Variants in MBNL2 observed in about 807,000 individuals in gnomAD.
MBNL2 encodes muscleblind-like protein 2.
A neutral mutation model predicts 41.9 loss-of-function variants in MBNL2; 17 were observed. That is an observed-to-expected ratio of 0.41 (90% CI 0.28 to 0.61). The LOEUF (loss-of-function observed/expected upper bound fraction) is 0.61. Among genes scored for constraint, MBNL2 ranks in the 20% least tolerant of loss-of-function variants. The pLI is 0.35. For missense variants in MBNL2, 336 were observed against 505.6 expected, an observed-to-expected ratio of 0.66 and a Z score of 3.22; for synonymous variants, 195 against 182.9, an observed-to-expected ratio of 1.07 and a Z score of -0.53.
At chr13:97,218,906 G>A (rs560933562), upstream of MBNL2, among the ~76,000 whole-genome samples, 7 of 151,466 alleles carry the variant, frequency 4.6e-5, no homozygotes, top group Non-Finnish European at 2.9e-5. Flanking sequence ...TTAGATGTTA[G>A]AGAGTCAATT....
chr13:97,206,995 T>C, the MBNL2 span, among the ~76,000 whole-genome samples: 2 of 152,194 alleles, frequency 1.3e-5, no homozygotes, highest in Non-Finnish European at 2.9e-5. Context: ...TTGTCTTCCT[T>C]GAATGCCTGT....
chr13:97,317,574 C>CT (rs1412017428), intron 2 of MBNL2, among the ~76,000 whole-genome samples: 2 of 152,128 alleles, frequency 1.3e-5, no homozygotes, highest in East Asian at 3.9e-4. Flanking sequence ...ATGCATAATC[C>CT]TTTTGGCTGT....
chr13:97,154,304 GGTTTTTTGTTTTTT>G, the MBNL2 span, among the ~76,000 whole-genome samples: 3 of 151,906 alleles, frequency 2.0e-5, no homozygotes, highest in African/African-American at 7.2e-5. Flanking sequence ...TTTACCCGTT[GGTTTTTTGTTTTTT>G]GTTTTTTGTT....
chr13:97,212,627 C>T, the MBNL2 span, among the ~76,000 whole-genome samples: 1 of 152,142 alleles, frequency 6.6e-6, no homozygotes, highest in Admixed American at 6.5e-5. Context: ...GCTGTGCGAC[C>T]CTGGAAAGGT....
At chr13:97,161,091 T>A in the MBNL2 span, among the ~76,000 whole-genome samples, 1 of 152,176 alleles carries the variant, frequency 6.6e-6, no homozygotes, top group Non-Finnish European at 1.5e-5. Flanking sequence ...CTGAAGCCCT[T>A]TATCTTCTTT....
chr13:97,162,179 A>G, the MBNL2 span, among the ~76,000 whole-genome samples: 1 of 152,148 alleles, frequency 6.6e-6, no homozygotes, highest in South Asian at 2.1e-4. Context: ...CAAGGGAGAA[A>G]TGCGCCCCTA....
upstream of MBNL2, among the ~76,000 whole-genome samples, chr13:97,217,611 T>C (rs1176435916): frequency 6.6e-6 from 1 of 152,068 alleles, no homozygotes; most frequent in Non-Finnish European, 1.5e-5. Context: ...ATGACACACC[T>C]GAGGGACTAA....
the MBNL2 span, among the ~76,000 whole-genome samples, chr13:97,160,685 T>C: frequency 1.3e-5 from 2 of 152,302 alleles, no homozygotes; most frequent in East Asian, 1.9e-4. Flanking sequence ...TTATTGGCAT[T>C]GGCTTTTCAT....
chr13:97,297,886 A>T (rs578179370), intron 2 of MBNL2, among the ~76,000 whole-genome samples: 1 of 152,330 alleles, frequency 6.6e-6, no homozygotes, highest in South Asian at 2.1e-4. Context: ...ACAAAATGCT[A>T]AACTATAGCT....
At chr13:97,370,186 C>G (rs2064228752) in intron 8 of MBNL2, among the ~76,000 whole-genome samples, 2 of 152,056 alleles carry the variant, frequency 1.3e-5, no homozygotes, top group African/African-American at 4.8e-5. Flanking sequence ...AAGTTAGCTA[C>G]CTCAGCCAAA....
At chr13:97,280,619 T>A (rs1035659879) in intron 2 of MBNL2, among the ~76,000 whole-genome samples, 3 of 152,184 alleles carry the variant, frequency 2.0e-5, no homozygotes, top group Non-Finnish European at 4.4e-5. Context: ...AGAGCAACAC[T>A]GCAAAGGCTG....
At chr13:97,267,255 ATG>A (rs1287865040) in intron 1 of MBNL2, among the ~76,000 whole-genome samples, 1 of 152,346 alleles carries the variant, frequency 6.6e-6, no homozygotes, top group South Asian at 2.1e-4. Flanking sequence ...CTGCAAAAGA[ATG>A]TGAGCGGCAA....
At chr13:97,171,368 A>G in the MBNL2 span, among the ~76,000 whole-genome samples, 6 of 152,220 alleles carry the variant, frequency 3.9e-5, no homozygotes, top group Non-Finnish European at 5.9e-5. Context: ...TTGAAAGCTG[A>G]CAGTGCCAGA....
At chr13:97,306,887 G>A (rs550816208) in intron 2 of MBNL2, among the ~76,000 whole-genome samples, 3 of 152,308 alleles carry the variant, frequency 2.0e-5, no homozygotes, top group Non-Finnish European at 2.9e-5. Flanking sequence ...TTCTTGTCTA[G>A]TTGGGAAGAA....
At chr13:97,160,660 T>G in the MBNL2 span, among the ~76,000 whole-genome samples, 1 of 152,150 alleles carries the variant, frequency 6.6e-6, no homozygotes, top group Non-Finnish European at 1.5e-5. Context: ...TTGTTAGAGC[T>G]GAGCTAATCC....
In MBNL2 at chr13:97,365,211, A is replaced by G. The variant is rs73559939; in HGVS notation, c.1048+40A>G. On this transcript the variant is annotated intron_variant, in intron 8 of 8. Coordinates refer to ENST00000679496, the MANE Select transcript of MBNL2 (RefSeq NM_001382683.1). ...TTTTTATTTGTCTTTTATATGATGTACAATACCTTCACTTGCTTGAAATTT... is the reference window on the plus strand; with the variant it reads ...TTTTTATTTGTCTTTTATATGATGTGCAATACCTTCACTTGCTTGAAATTT... 1.3e-3 allele frequency: 1,626 copies of G among 1,289,756 alleles called. 16 individuals are homozygous for G. In the African/African-American group the frequency reaches 0.021, roughly 17 times the overall value. 79.9% of individuals were successfully genotyped at this position (1,289,756 alleles called of 1,614,324 possible). A position where few individuals can be genotyped will look rare whatever the true frequency, so the allele number is the denominator to read the frequency against.
At chr13:97,225,582 G>A (rs2152767086) in intron 1 of MBNL2, among the ~76,000 whole-genome samples, 1 of 152,104 alleles carries the variant, frequency 6.6e-6, no homozygotes, top group Non-Finnish European at 1.5e-5. Context: ...GGCAACTCTA[G>A]GGGGCAGGTG....
chr13:97,144,328 CT>C, the MBNL2 span, among the ~76,000 whole-genome samples: 1 of 151,890 alleles, frequency 6.6e-6, no homozygotes, highest in Non-Finnish European at 1.5e-5. Flanking sequence ...CTGATACTGC[CT>C]TCTCTTCTGC....
At chr13:97,177,946 C>A in the MBNL2 span, among the ~76,000 whole-genome samples, 5 of 152,126 alleles carry the variant, frequency 3.3e-5, no homozygotes, top group Non-Finnish European at 7.4e-5. Flanking sequence ...TAAGTATAAG[C>A]GTAAGTTGCA....
Sources: allele counts gnomAD v4.1 joint callset (sites outside exome capture counted in the v4.1 genomes callset), GRCh38; gene constraint gnomAD v4.1.1; transcripts MANE v1.5; gene names NCBI Gene and HGNC (gene_info 2026-07-23, HGNC 2026-07-21).